MMP26: variants seen among roughly 807,000 people sequenced by gnomAD.
The protein encoded by MMP26 is matrix metallopeptidase 26, also known as matrix metalloproteinase-26.
MMP26 carries 33 observed loss-of-function variants against 31.0 expected under a neutral mutation model. The ratio of observed to expected loss-of-function variants is 1.06; its 90% confidence interval spans 0.81 to 1.42. MMP26 has a LOEUF of 1.42. Among genes scored for constraint, MMP26 ranks in the 40% most tolerant of loss-of-function variants. The pLI, the probability that MMP26 is intolerant of heterozygous loss-of-function variation, is 0.00. For missense variants in MMP26, 347 were observed against 316.1 expected (o/e 1.10, Z -0.74); for synonymous variants, 122 against 114.9 (o/e 1.06, Z -0.40).
Position 4,988,310 on chromosome 11 carries a change from G to T in MMP26, c.99G>T (p.Glu33Asp), listed in dbSNP as rs747804576. The T allele has an allele frequency of 4.4e-5, 71 of 1,613,558 alleles. No individual in the cohort carries two copies. Among genetic ancestry groups the T allele is most frequent in the Non-Finnish European group, 5.9e-5 (70 of 1,179,690 alleles). Residue 33 changes from glutamate to aspartate, a missense_variant and splice_region_variant, in exon 3 of 8, where the codon GAG (glutamate) becomes GAT (aspartate). Glu to Asp is a conservative substitution (Grantham distance 45). Transcript: ENST00000380390. ...AADHKGWDFV[E>D]GYFHQFFLTK... Reference sequence around the variant, plus strand: ...ACCATAAAGGATGGGACTTTGTTGAGGTAGGTGAACGACTCAGGACCACAT... The same window carrying T: ...ACCATAAAGGATGGGACTTTGTTGATGTAGGTGAACGACTCAGGACCACAT...
intron 2 of MMP26, among the ~76,000 whole-genome samples, chr11:4,958,321 C>A (rs929407418): frequency 2.0e-5 from 3 of 152,206 alleles, no homozygotes; most frequent in African/African-American, 7.2e-5. Context: ...AAAGCTCACC[C>A]TTTTTCTATC....
At chr11:4,980,618 A>G (rs1846799222) in intron 2 of MMP26, among the ~76,000 whole-genome samples, 2 of 152,156 alleles carry the variant, frequency 1.3e-5, no homozygotes, top group South Asian at 4.1e-4. Context: ...AATAAAATGG[A>G]TATGCAAAAA....
At chr11:4,963,926 C>G (rs1846555345) in intron 2 of MMP26, among the ~76,000 whole-genome samples, 1 of 152,006 alleles carries the variant, frequency 6.6e-6, no homozygotes, top group Admixed American at 6.6e-5. Context: ...TGAGAAGTAT[C>G]TATTCATGTC....
chr11:4,844,092 T>TTACAACTG (rs1419184462), intron 2 of MMP26, among the ~76,000 whole-genome samples: 3 of 151,952 alleles, frequency 2.0e-5, no homozygotes, highest in Admixed American at 1.3e-4. Flanking sequence ...AAAGGAAACA[T>TTACAACTG]TACAACTGAT....
At chr11:4,882,414 G>T in intron 2 of MMP26, 3 of 1,613,730 alleles carry the variant, frequency 1.9e-6, no homozygotes, top group Non-Finnish European at 2.5e-6. Flanking sequence ...TCTTTTCATG[G>T]GGGTCACGAG....
intron 2 of MMP26, chr11:4,877,774 C>G (rs538115262): frequency 6.6e-6 from 1 of 152,166 alleles, no homozygotes; most frequent in South Asian, 2.1e-4. Context: ...AGTACAAATA[C>G]AATGGGTAGT....
chr11:4,961,546 G>T (rs1035088236), intron 2 of MMP26, among the ~76,000 whole-genome samples: 1 of 152,098 alleles, frequency 6.6e-6, no homozygotes, highest in Non-Finnish European at 1.5e-5. Context: ...TGTCAATTTG[G>T]CAACCATAAG....
chr11:4,915,127 G>C, intron 2 of MMP26: 1 of 1,614,132 alleles, frequency 6.2e-7, no homozygotes, highest in East Asian at 2.2e-5. Context: ...AAGAATGTGA[G>C]AGAACTGGGG....
chr11:4,834,550 C>A (rs1256533261), intron 2 of MMP26, among the ~76,000 whole-genome samples: 2 of 152,138 alleles, frequency 1.3e-5, no homozygotes, highest in African/African-American at 2.4e-5. Context: ...TAGAAGCTAA[C>A]CCACAGAAGA....
At chr11:4,844,886 G>A (rs1056445014) in intron 2 of MMP26, among the ~76,000 whole-genome samples, 4 of 152,088 alleles carry the variant, frequency 2.6e-5, no homozygotes, top group Non-Finnish European at 5.9e-5. Flanking sequence ...ATTCAACACA[G>A]TATTGGAAGT....
At chr11:4,843,036 C>G (rs988257325) in intron 2 of MMP26, among the ~76,000 whole-genome samples, 2 of 152,204 alleles carry the variant, frequency 1.3e-5, no homozygotes, top group African/African-American at 4.8e-5. Context: ...TGTCTCTCAC[C>G]CAGGGCATGC....
chr11:4,729,147 TA>T (rs1848140463), intron 1 of MMP26, among the ~76,000 whole-genome samples: 1 of 152,064 alleles, frequency 6.6e-6, no homozygotes, highest in African/African-American at 2.4e-5. Flanking sequence ...TCCAAAGCTT[TA>T]AAAATTGTAC....
intron 2 of MMP26, among the ~76,000 whole-genome samples, chr11:4,816,351 A>T (rs1849418906): frequency 6.6e-6 from 1 of 152,168 alleles, no homozygotes; most frequent in African/African-American, 2.4e-5. Flanking sequence ...TAGCTGCTGG[A>T]TGAAATGTCC....
chr11:4,826,981 G>T (rs1849585982), intron 2 of MMP26, among the ~76,000 whole-genome samples: 1 of 152,050 alleles, frequency 6.6e-6, no homozygotes, highest in Non-Finnish European at 1.5e-5. Context: ...CTATTTCTGG[G>T]TTGTACATGC....
At chr11:4,945,765 T>C (rs12794595) in intron 2 of MMP26, 1 of 258,816 alleles carries the variant, frequency 3.9e-6, no homozygotes, top group Non-Finnish European at 7.4e-6. Flanking sequence ...ATGGTTGTAT[T>C]CTAAGATGAT....
At chr11:4,745,579 G>A (rs1045542365) in intron 1 of MMP26, among the ~76,000 whole-genome samples, 12 of 152,220 alleles carry the variant, frequency 7.9e-5, no homozygotes, top group East Asian at 1.9e-4. Flanking sequence ...TTGTACGTTC[G>A]TCACTATCTA....
At chr11:4,744,539 G>C (rs192302172) in intron 1 of MMP26, among the ~76,000 whole-genome samples, 69 of 152,250 alleles carry the variant, frequency 4.5e-4, no homozygotes, top group Non-Finnish European at 7.5e-4. Flanking sequence ...AAGAGGCAGG[G>C]CTCTGAGGTC....
intron 2 of MMP26, among the ~76,000 whole-genome samples, chr11:4,814,641 A>G (rs1036380998): frequency 4.6e-5 from 7 of 152,194 alleles, no homozygotes; most frequent in Admixed American, 3.9e-4. Context: ...TCCAAGGGTT[A>G]TTATGCTCTA....
intron 2 of MMP26, among the ~76,000 whole-genome samples, chr11:4,805,685 G>A (rs546428436): frequency 3.7e-4 from 57 of 152,282 alleles, no homozygotes; most frequent in African/African-American, 1.2e-3. Context: ...AAAGGCAGCA[G>A]ACTCATTAAC....
Sources: gnomAD v4.1 joint callset for allele counts (sites outside exome capture counted in the v4.1 genomes callset) on GRCh38, gnomAD v4.1.1 for gene constraint, MANE v1.5 for transcripts, NCBI Gene and HGNC (gene_info 2026-07-23, HGNC 2026-07-21) for gene names.